PTPRD: variants seen among roughly 807,000 people sequenced by gnomAD.
PTPRD encodes receptor-type tyrosine-protein phosphatase delta.
In PTPRD, 34 loss-of-function variants were observed where a neutral mutation model predicts 214.5. That is an observed-to-expected ratio of 0.16 (90% CI 0.12 to 0.21). PTPRD has a LOEUF of 0.21. PTPRD is among the 10% of genes least tolerant of loss of function. PTPRD has a pLI of 1.00. For synonymous variants in PTPRD, 1,128 were observed against 845.7 expected (o/e 1.33, Z -5.79); for missense variants, 2,545 against 2,398.7 (o/e 1.06, Z -1.27).
intron 21 of PTPRD, among the ~76,000 whole-genome samples, chr9:8,508,411 T>C (rs1306879493): frequency 6.6e-6 from 1 of 152,216 alleles, no homozygotes; most frequent in East Asian, 1.9e-4. Flanking sequence ...CATCTAATCG[T>C]ACATTGTTCT....
intron 9 of PTPRD, among the ~76,000 whole-genome samples, chr9:9,313,269 T>C (rs1960204605): frequency 6.6e-6 from 1 of 152,146 alleles, no homozygotes; most frequent in Non-Finnish European, 1.5e-5. Context: ...TTATTTAATA[T>C]AAATGTGTTG....
At chr9:8,960,032 C>T (rs1466355408) in intron 11 of PTPRD, among the ~76,000 whole-genome samples, 4 of 151,946 alleles carry the variant, frequency 2.6e-5, no homozygotes, top group African/African-American at 9.7e-5. Context: ...CAGAAATTTA[C>T]CAATATTGTA....
intron 9 of PTPRD, among the ~76,000 whole-genome samples, chr9:9,227,935 G>C (rs1206915568): frequency 2.6e-5 from 4 of 152,144 alleles, no homozygotes; most frequent in African/African-American, 9.7e-5. Context: ...GAAATGATGA[G>C]ATAATATTTT....
chr9:8,584,608 T>A (rs992645797), intron 14 of PTPRD, among the ~76,000 whole-genome samples: 6 of 152,184 alleles, frequency 3.9e-5, no homozygotes, highest in African/African-American at 1.4e-4. Flanking sequence ...TCATACACAT[T>A]TAATTATGTA....
intron 10 of PTPRD, among the ~76,000 whole-genome samples, chr9:9,042,620 T>C (rs1196248525): frequency 1.4e-4 from 2 of 14,748 alleles, no homozygotes; most frequent in African/African-American, 3.1e-4. Flanking sequence ...TTTTCTTTTC[T>C]TTTTTTTTTT....
At chr9:9,763,131 C>T (rs2098674825) in intron 6 of PTPRD, among the ~76,000 whole-genome samples, 1 of 152,142 alleles carries the variant, frequency 6.6e-6, no homozygotes, top group Non-Finnish European at 1.5e-5. Flanking sequence ...TTAATTACCT[C>T]TTCAAAACCC....
intron 5 of PTPRD, among the ~76,000 whole-genome samples, chr9:9,780,540 C>A (rs2098835100): frequency 2.0e-5 from 3 of 152,106 alleles, no homozygotes; most frequent in South Asian, 4.1e-4. Context: ...AGAGTTACCA[C>A]CAAATGTTAG....
intron 2 of PTPRD, among the ~76,000 whole-genome samples, chr9:10,403,645 G>A (rs931585490): frequency 1.3e-5 from 2 of 151,498 alleles, no homozygotes; most frequent in African/African-American, 4.8e-5. Flanking sequence ...AGTACATACA[G>A]ACCATGAAAT....
intron 11 of PTPRD, among the ~76,000 whole-genome samples, chr9:8,952,643 T>G (rs2099108927): frequency 6.6e-6 from 1 of 151,782 alleles, no homozygotes; most frequent in South Asian, 2.1e-4. Context: ...CAACAGGTTG[T>G]AGGTAACCAA....
intron 3 of PTPRD, among the ~76,000 whole-genome samples, chr9:10,180,915 C>A (rs961620849): frequency 6.6e-6 from 1 of 151,704 alleles, no homozygotes; most frequent in Non-Finnish European, 1.5e-5. Flanking sequence ...ATTAAATTTC[C>A]ATAACCCTAT....
At chr9:9,948,884 C>G (rs978813558) in intron 4 of PTPRD, among the ~76,000 whole-genome samples, 1 of 151,930 alleles carries the variant, frequency 6.6e-6, no homozygotes, top group African/African-American at 2.4e-5. Flanking sequence ...CAAGATATGG[C>G]AGTCAAATTT....
chr9:10,019,351 T>C (rs1410137612), intron 4 of PTPRD, among the ~76,000 whole-genome samples: 20 of 152,236 alleles, frequency 1.3e-4, no homozygotes, highest in Non-Finnish European at 4.4e-5. Flanking sequence ...AGTTCAACCA[T>C]TGTGGAAGTC....
At chr9:9,581,903 T>C (rs541620908) in intron 7 of PTPRD, among the ~76,000 whole-genome samples, 65 of 152,272 alleles carry the variant, frequency 4.3e-4, no homozygotes, top group Non-Finnish European at 8.5e-4. Flanking sequence ...ACTACTATAC[T>C]ATAATGTGAG....
At chr9:8,597,050 A>C (rs1444416727) in intron 14 of PTPRD, among the ~76,000 whole-genome samples, 4 of 152,160 alleles carry the variant, frequency 2.6e-5, no homozygotes, top group African/African-American at 9.6e-5. Context: ...TTGCTCAAAT[A>C]AATCAATTGT....
chr9:8,843,457 T>C (rs2154536745), intron 11 of PTPRD, among the ~76,000 whole-genome samples: 1 of 152,358 alleles, frequency 6.6e-6, no homozygotes, highest in East Asian at 1.9e-4. Flanking sequence ...CAGAATGATC[T>C]GGTAGACTAG....
chr9:9,524,612 C>T (rs748446814), intron 8 of PTPRD, among the ~76,000 whole-genome samples: 2 of 152,110 alleles, frequency 1.3e-5, no homozygotes, highest in South Asian at 4.1e-4. Context: ...CTCAAGATTC[C>T]TAGAAACCAA....
At chr9:10,393,435 G>T (rs2098110309) in intron 2 of PTPRD, among the ~76,000 whole-genome samples, 1 of 151,424 alleles carries the variant, frequency 6.6e-6, no homozygotes, top group African/African-American at 2.4e-5. Flanking sequence ...ATTTATATTT[G>T]TTACATTAGT....
chr9:10,183,866 A>G (rs141866296), intron 3 of PTPRD, among the ~76,000 whole-genome samples: 15 of 152,346 alleles, frequency 9.8e-5, no homozygotes, highest in East Asian at 9.6e-4. Flanking sequence ...AGACAGAACC[A>G]CAAAGGAGAG....
chr9:9,770,702 TG>T (rs2098745210), intron 5 of PTPRD, among the ~76,000 whole-genome samples: 1 of 152,174 alleles, frequency 6.6e-6, no homozygotes, highest in Admixed American at 6.5e-5. Flanking sequence ...AGGCCATGTT[TG>T]TTTGTTGATT....
Sources: allele counts gnomAD v4.1 joint callset (sites outside exome capture counted in the v4.1 genomes callset), GRCh38; gene constraint gnomAD v4.1.1; transcripts MANE v1.5; gene names NCBI Gene and HGNC (gene_info 2026-07-23, HGNC 2026-07-21).